LUZP2: variants seen among roughly 807,000 people sequenced by gnomAD.
LUZP2 encodes the protein leucine zipper protein 2.
Under a neutral mutation model 51.6 loss-of-function variants are expected in LUZP2, and 52 were observed. The observed-to-expected ratio is 1.01, with a 90% CI of 0.81 to 1.27. The LOEUF is 1.27. Ranked by LOEUF, LUZP2 falls within the 50% of genes most tolerant of loss-of-function variation. The pLI, the probability that LUZP2 is intolerant of heterozygous loss-of-function variation, is 0.00. For synonymous variants in LUZP2, 154 were observed against 137.3 expected, an observed-to-expected ratio of 1.12 and a Z score of -0.85; for missense variants, 436 against 395.4, an observed-to-expected ratio of 1.10 and a Z score of -0.87.
At chr11:24,603,306 C>T (rs1165879991) in intron 1 of LUZP2, among the ~76,000 whole-genome samples, 3 of 151,738 alleles carry the variant, frequency 2.0e-5, no homozygotes, top group Non-Finnish European at 4.4e-5. Context: ...CTGAGTGACC[C>T]AAAAAGGCTC....
At chr11:24,829,955 C>T (rs1402076514) in intron 5 of LUZP2, among the ~76,000 whole-genome samples, 2 of 152,028 alleles carry the variant, frequency 1.3e-5, no homozygotes, top group African/African-American at 2.4e-5. Flanking sequence ...CTGTGTTGGT[C>T]GATCCATGAG....
intron 9 of LUZP2, among the ~76,000 whole-genome samples, chr11:24,991,416 A>C (rs1169997789): frequency 6.9e-6 from 1 of 144,578 alleles, no homozygotes; most frequent in Non-Finnish European, 1.5e-5. Flanking sequence ...ATATATATAT[A>C]TATTCCATCA....
Position 24,716,075 on chromosome 11 carries a change from A to C in LUZP2, c.63-13094A>C, listed in dbSNP as rs554470992. Among the ~76,000 whole-genome samples the C allele has an allele frequency of 3.3e-5, 5 of 152,302 alleles. No individual in the cohort carries two copies. The South Asian group carries it at 8.3e-4, about 25-fold the overall frequency. On this transcript the variant is annotated intron_variant, in intron 1 of 11. Transcript: ENST00000336930. ...TTGTAAAATGTCTACCACATGTCTG[A>C]TATATGCTAGTATATAATATTAGAT... is the stretch of plus-strand genomic sequence containing the variant.
intron 10 of LUZP2, among the ~76,000 whole-genome samples, chr11:25,060,093 C>G (rs559977087): frequency 6.6e-6 from 1 of 152,180 alleles, no homozygotes; most frequent in African/African-American, 2.4e-5. Context: ...GAATCAGAGC[C>G]TCAGTAAGTT....
intron 5 of LUZP2, among the ~76,000 whole-genome samples, chr11:24,878,017 A>C (rs79697578): frequency 1.3e-5 from 2 of 151,674 alleles, no homozygotes; most frequent in East Asian, 1.9e-4. Flanking sequence ...GTTGATGGAC[A>C]CTTAGGTTGT....
At chr11:25,073,119 A>G (rs1015830490) in intron 10 of LUZP2, among the ~76,000 whole-genome samples, 3 of 152,170 alleles carry the variant, frequency 2.0e-5, no homozygotes, top group South Asian at 2.1e-4. Context: ...AGGCAGAACA[A>G]TTAATTAAAT....
chr11:24,713,704 T>C (rs936187872), intron 1 of LUZP2, among the ~76,000 whole-genome samples: 2 of 148,202 alleles, frequency 1.3e-5, no homozygotes, highest in East Asian at 2.0e-4. Context: ...TTTTTTTTTT[T>C]CTGAGATGGA....
chr11:24,726,427 C>T (rs1335957414), intron 1 of LUZP2, among the ~76,000 whole-genome samples: 4 of 151,002 alleles, frequency 2.6e-5, no homozygotes, highest in South Asian at 2.1e-4. Flanking sequence ...CTCATGTGCC[C>T]CATAAATACA....
intron 5 of LUZP2, among the ~76,000 whole-genome samples, chr11:24,875,620 T>A (rs1852229233): frequency 6.7e-6 from 1 of 150,254 alleles, no homozygotes; most frequent in Admixed American, 6.7e-5. Flanking sequence ...ATATACCCAG[T>A]AATGGGATGG....
At chr11:24,681,397 A>C (rs1037892069) in intron 1 of LUZP2, among the ~76,000 whole-genome samples, 1 of 152,328 alleles carries the variant, frequency 6.6e-6, no homozygotes, top group African/African-American at 2.4e-5. Flanking sequence ...TAATTACTCA[A>C]GTTATAAGTG....
intron 5 of LUZP2, among the ~76,000 whole-genome samples, chr11:24,834,872 T>C (rs1047702452): frequency 1.3e-5 from 2 of 152,234 alleles, no homozygotes; most frequent in African/African-American, 4.8e-5. Context: ...CATATGTTTG[T>C]TGGCTGCATA....
chr11:24,498,274 G>T (rs1849891185), intron 1 of LUZP2, among the ~76,000 whole-genome samples: 1 of 152,160 alleles, frequency 6.6e-6, no homozygotes, highest in Non-Finnish European at 1.5e-5. Context: ...TACGTGAATA[G>T]AAACATTATT....
At chr11:24,578,906 A>G (rs187901150) in intron 1 of LUZP2, among the ~76,000 whole-genome samples, 2 of 152,212 alleles carry the variant, frequency 1.3e-5, no homozygotes, top group East Asian at 1.9e-4. Context: ...ACCTGCACAT[A>G]TACCCCTGAA....
At chr11:24,609,297 G>A (rs1854037854) in intron 1 of LUZP2, among the ~76,000 whole-genome samples, 1 of 152,178 alleles carries the variant, frequency 6.6e-6, no homozygotes. Flanking sequence ...GTGGTGTAGT[G>A]TGTTTGCCAA....
At chr11:24,866,017 C>A (rs535133360) in intron 5 of LUZP2, among the ~76,000 whole-genome samples, 1 of 151,518 alleles carries the variant, frequency 6.6e-6, no homozygotes, top group South Asian at 2.1e-4. Context: ...CCATGTTTGC[C>A]AGGTTGGTCT....
At chr11:24,636,207 C>G (rs997064956) in intron 1 of LUZP2, among the ~76,000 whole-genome samples, 1 of 152,086 alleles carries the variant, frequency 6.6e-6, no homozygotes, top group African/African-American at 2.4e-5. Flanking sequence ...CATTCTGAGT[C>G]ATATCATCAT....
intron 5 of LUZP2, among the ~76,000 whole-genome samples, chr11:24,814,179 C>A (rs1423557214): frequency 5.9e-5 from 9 of 152,224 alleles, no homozygotes; most frequent in African/African-American, 2.2e-4. Flanking sequence ...TAACTTCCTC[C>A]TTTGCCCTAT....
intron 9 of LUZP2, among the ~76,000 whole-genome samples, chr11:25,005,251 G>A (rs1184804226): frequency 6.6e-6 from 1 of 152,100 alleles, no homozygotes; most frequent in African/African-American, 2.4e-5. Flanking sequence ...GGAGCTATAG[G>A]GAGGCTAGGA....
At chr11:24,806,092 G>A (rs1486690) in intron 5 of LUZP2, among the ~76,000 whole-genome samples, 152,097 of 152,310 alleles carry the variant, frequency 1, 75,944 homozygotes, top group Middle Eastern at 1. Flanking sequence ...AGTACATTAT[G>A]TTGATGTTAG....
Sources: allele counts gnomAD v4.1 joint callset (sites outside exome capture counted in the v4.1 genomes callset), GRCh38; gene constraint gnomAD v4.1.1; transcripts MANE v1.5; gene names NCBI Gene and HGNC (gene_info 2026-07-23, HGNC 2026-07-21).